The following RFX1 variants were observed in gnomAD, a reference collection of about 807,000 sequenced individuals.
RFX1 encodes the protein regulatory factor X1.
Under a neutral mutation model 119.6 loss-of-function variants are expected in RFX1, and 42 were observed. The ratio of observed to expected loss-of-function variants is 0.35; its 90% CI spans 0.27 to 0.45. The LOEUF (loss-of-function observed/expected upper bound fraction) is 0.45. RFX1 is among the 20% of genes least tolerant of loss of function. The pLI is 1.00. For synonymous variants in RFX1, 628 were observed against 618.5 expected, an observed-to-expected ratio of 1.02 and a Z score of -0.23; for missense variants, 1,118 against 1,368.1, an observed-to-expected ratio of 0.82 and a Z score of 2.88.
intron 2 of RFX1, among the ~76,000 whole-genome samples, chr19:13,991,201 G>A (rs1974787756): frequency 6.6e-6 from 1 of 152,198 alleles, no homozygotes; most frequent in South Asian, 2.1e-4. Flanking sequence ...CCCTGTGGCT[G>A]CCTGATGGTA....
chr19:13,997,113 C>T (rs900068099), intron 1 of RFX1, among the ~76,000 whole-genome samples: 1 of 152,206 alleles, frequency 6.6e-6, no homozygotes. Context: ...ACGCCCCCTG[C>T]CCAAGGCCGC....
Position 13,965,650 on chromosome 19 carries a change from G to A in RFX1, c.2089C>T (p.Pro697Ser), listed in dbSNP as rs1276509692. 1.2e-6 allele frequency: 2 copies of A among 1,613,622 alleles called. No individual in the cohort carries two copies. The highest frequency in any genetic ancestry group is 1.7e-6 in the Non-Finnish European group (2 of 1,179,950). ...CTGGGGATGGGCCGCAGCACGTCGG[G>A]AATGAGGATTTCCACCAGGCCCTGG... is the stretch of plus-strand genomic sequence containing the variant. ...LYQGLVEILI[P>S]DVLRPIPSAL... is the part of the protein sequence containing the mutation. The change falls in exon 15 of 21, where the codon CCC (proline) becomes TCC (serine). Residue 697 changes from proline (P) to serine (S), a missense_variant. Pro to Ser is a moderately conservative substitution (Grantham distance 74, BLOSUM62 -1). This residue lies in a region of RFX1 where 338 missense variants were observed against 508.9 expected (regional missense o/e 0.66). Transcript: ENST00000254325. This position sits in a 1 kb window ranked among gnomAD's most constrained non-coding sequence, Gnocchi z 4.7.
chr19:13,974,147 T>C (rs1974178916), intron 8 of RFX1, among the ~76,000 whole-genome samples: 2 of 151,910 alleles, frequency 1.3e-5, no homozygotes, highest in Admixed American at 6.6e-5. Context: ...AGAAGCCACG[T>C]GCAAAGGTAA....
chr19:13,968,742 T>G lies in RFX1; in HGVS notation c.1616+33A>C. 6.2e-7 allele frequency: 1 copy of G among 1,609,010 alleles called. No homozygotes were observed. The highest frequency in any genetic ancestry group is 1.7e-5 in the Admixed American group (1 of 59,500). On this transcript the variant is annotated intron_variant, in intron 11 of 20. Transcript: ENST00000254325. The surrounding 1 kb of genome is among the most constrained non-coding windows in gnomAD (Gnocchi z 5.5). The stretch of plus-strand genomic sequence containing the variant: ...GCCGGCCTGTGTGCCCTTCCCCGCC[T>G]GCCCTGCCCTGGGTCCGGCCCTGCC...
At chr19:13,991,360 G>A (rs1974792961) in intron 2 of RFX1, among the ~76,000 whole-genome samples, 1 of 152,190 alleles carries the variant, frequency 6.6e-6, no homozygotes, top group African/African-American at 2.4e-5. Flanking sequence ...ATTTCTGAGG[G>A]GTGCTGAGAA....
chr19:13,988,546 GCAAA>G (rs1484776925), intron 2 of RFX1, among the ~76,000 whole-genome samples: 9 of 152,230 alleles, frequency 5.9e-5, no homozygotes, highest in African/African-American at 1.9e-4. Flanking sequence ...GAGGCCTCCT[GCAAA>G]CAGTCAGCCA....
At chr19:13,992,459 C>T (rs1321968481) in intron 2 of RFX1, among the ~76,000 whole-genome samples, 1 of 152,198 alleles carries the variant, frequency 6.6e-6, no homozygotes, top group Non-Finnish European at 1.5e-5. Flanking sequence ...GGCCTGCTCT[C>T]AACACAGGTC....
Position 13,993,621 on chromosome 19 carries a change from C to T in RFX1, c.223G>A (p.Val75Met), listed in dbSNP as rs775411453. The change falls in exon 2 of 21, where the codon GTG (valine) becomes ATG (methionine). Residue 75 changes from valine to methionine, a missense_variant. Around this residue, in one of 5 missense-constraint regions of RFX1, gnomAD observed 542 missense variants for 602.7 expected, o/e 0.90. Transcript: ENST00000254325. ...AQPPGGQKQY[V>M]TELPAVPAPS... ...GCGGGTACAGCCGGGAGCTCCGTCA[C>T]GTACTGCTTCTGGCCACCCGGTGGC... 1.2e-6 allele frequency: 2 copies of T among 1,609,728 alleles called. No individual in the cohort carries two copies. The highest frequency in any genetic ancestry group is 2.2e-5 in the South Asian group (2 of 90,522).
At chr19:13,964,401 T>A (rs546972338) in intron 16 of RFX1, among the ~76,000 whole-genome samples, 2,816 of 148,674 alleles carry the variant, frequency 0.019, 42 homozygotes, top group East Asian at 0.049. Flanking sequence ...TTTTTTTTTT[T>A]AAAAACGAAA....
At chr19:14,001,550 C>G (rs1364848121) in intron 1 of RFX1, among the ~76,000 whole-genome samples, 1 of 152,214 alleles carries the variant, frequency 6.6e-6, no homozygotes, top group Non-Finnish European at 1.5e-5. Context: ...ATCCTCATGT[C>G]TCAGCCTCCC....
At chr19:13,989,301 G>T (rs1473245903) in intron 2 of RFX1, among the ~76,000 whole-genome samples, 1 of 152,148 alleles carries the variant, frequency 6.6e-6, no homozygotes, top group East Asian at 1.9e-4. Flanking sequence ...AGGCTGGCAG[G>T]CCAGAGTTGA....
chr19:14,005,835 A>G (rs941069174), intron 1 of RFX1, among the ~76,000 whole-genome samples: 2 of 141,308 alleles, frequency 1.4e-5, no homozygotes, highest in African/African-American at 5.3e-5. Context: ...CGCTCCCGAC[A>G]TATAAAAGCC....
chr19:13,978,809 C>A (rs1238616285), intron 7 of RFX1, among the ~76,000 whole-genome samples: 1 of 152,180 alleles, frequency 6.6e-6, no homozygotes, highest in African/African-American at 2.4e-5. Context: ...TGGATCCTGA[C>A]CCTCTGGTCG....
chr19:13,979,598 C>A, intron 6 of RFX1, 56 bp from the exon 7 acceptor site: 1 of 1,291,632 alleles, frequency 7.7e-7, no homozygotes, highest in South Asian at 1.4e-5. Flanking sequence ...CGTCAACCTA[C>A]CCAGCCCCTG....
chr19:13,993,101 C>T (rs777177002), intron 2 of RFX1, among the ~76,000 whole-genome samples: 1 of 152,076 alleles, frequency 6.6e-6, no homozygotes, highest in Non-Finnish European at 1.5e-5. Flanking sequence ...TGAGACCTGC[C>T]TGAGCAACAT....
At chr19:13,993,103 G>A (rs1293337454) in intron 2 of RFX1, among the ~76,000 whole-genome samples, 2 of 152,152 alleles carry the variant, frequency 1.3e-5, no homozygotes, top group African/African-American at 2.4e-5. Context: ...AGACCTGCCT[G>A]AGCAACATGG....
chr19:13,992,139 G>A (rs1411461866), intron 2 of RFX1, among the ~76,000 whole-genome samples: 1 of 152,110 alleles, frequency 6.6e-6, no homozygotes, highest in Non-Finnish European at 1.5e-5. Context: ...CCACCACAGA[G>A]CACATTAAAA....
Position 13,965,717 on chromosome 19 carries a change from C to A in RFX1, c.2022G>T (p.Glu674Asp), listed in dbSNP as rs767829998. ...AGTGCTTGGTCCATTGGAGCACGGG[C>A]TCGAACTTGGAGAGGAGCACCAGGA... is the stretch of plus-strand genomic sequence containing the variant. ...KAILVLLSKF[E>D]PVLQWTKHCD... The change falls in exon 15 of 21, where the codon GAG becomes GAT. Residue 674 changes from glutamate (E) to aspartate (D), a missense_variant. By Grantham distance (45) the Glu-to-Asp change is conservative. Around this residue, in one of 5 missense-constraint regions of RFX1, gnomAD observed 338 missense variants for 508.9 expected, o/e 0.66. Transcript: ENST00000254325. This position sits in a 1 kb window ranked among gnomAD's most constrained non-coding sequence, Gnocchi z 4.7. The A allele has an allele frequency of 3.7e-6, 6 of 1,613,908 alleles. No homozygotes were observed. The South Asian group carries it at 6.6e-5, about 18-fold the overall frequency.
At position 13,993,752 on chromosome 19, in the gene RFX1, G is replaced by A. The variant is rs371529473; in HGVS notation, c.92C>T (p.Pro31Leu). Residue 31 changes from proline (P) to leucine (L), a missense_variant, in exon 2 of 21, where the codon CCG becomes CTG. Transcript: ENST00000254325. ...APPQAQPQPP[P>L]PPPPAAPQPP... is the part of the protein sequence containing the mutation. ...CTGGGGTGCCGCTGGGGGTGGTGGC[G>A]GTGGCGGCTGGGGCTGGGCTTGTGG... is the stretch of plus-strand genomic sequence containing the variant. 340 of 1,597,632 alleles carry A rather than the reference G, an allele frequency of 2.1e-4. No homozygotes were observed. Among genetic ancestry groups the A allele is most frequent in the Non-Finnish European group, 2.7e-4 (321 of 1,173,210 alleles).
Sources: allele counts gnomAD v4.1 joint callset (sites outside exome capture counted in the v4.1 genomes callset), GRCh38; gene constraint gnomAD v4.1.1; regional missense constraint gnomAD v4.1.1; non-coding constraint Gnocchi (gnomAD v3.1); transcripts MANE v1.5; gene names NCBI Gene and HGNC (gene_info 2026-07-23, HGNC 2026-07-21).